The following FAT3 variants were observed in gnomAD, a reference collection of about 807,000 sequenced individuals.
FAT3 encodes the protein FAT atypical cadherin 3.
Under a neutral mutation model 310.2 loss-of-function variants are expected in FAT3, and 95 were observed. The ratio of observed to expected loss-of-function variants is 0.31; its 90% CI spans 0.26 to 0.36. The LOEUF is 0.36. FAT3 is among the 10% of genes least tolerant of loss of function. The pLI is 1.00. For synonymous variants in FAT3, 2,314 were observed against 2,192.9 expected (o/e 1.06, Z -1.54); for missense variants, 5,408 against 5,715.6 (o/e 0.95, Z 1.74).
In FAT3 at chr11:92,836,559, C is replaced by T. The variant is rs1472875580; in HGVS notation, c.10087-7C>T. ...TCTTTTCTTTGTTTTGCTTGTTTTC[C>T]ATGAAGCTAATAGCAGAAGATGTAG... is the stretch of plus-strand genomic sequence containing the variant. On this transcript the variant is annotated splice_region_variant and splice_polypyrimidine_tract_variant and intron_variant, in intron 15 of 27. Coordinates refer to ENST00000525166, the MANE Select transcript of FAT3 (RefSeq NM_001367949.2). 6 of 1,610,314 alleles carry T rather than the reference C, an allele frequency of 3.7e-6. No individual in the cohort carries two copies. The highest frequency in any genetic ancestry group is 1.7e-4 in the Middle Eastern group (1 of 6,038).
At chr11:92,380,073 G>A (rs936067772) in intron 2 of FAT3, among the ~76,000 whole-genome samples, 2 of 2,802 alleles carry the variant, frequency 7.1e-4, no homozygotes, top group African/African-American at 7.5e-4. Flanking sequence ...AAACTGATTC[G>A]TGTGTGTGTG....
chr11:92,415,555 T>C (rs751331920), intron 2 of FAT3, among the ~76,000 whole-genome samples: 1 of 152,176 alleles, frequency 6.6e-6, no homozygotes, highest in Non-Finnish European at 1.5e-5. Context: ...GTACTCTACC[T>C]CTATGCTTCA....
At chr11:92,449,014 G>C (rs1425421732) in intron 2 of FAT3, among the ~76,000 whole-genome samples, 2 of 152,090 alleles carry the variant, frequency 1.3e-5, no homozygotes, top group Non-Finnish European at 2.9e-5. Flanking sequence ...CTCTTGTGTT[G>C]CCGATTCAGC....
intron 2 of FAT3, among the ~76,000 whole-genome samples, chr11:92,421,959 A>G (rs1299402263): frequency 6.6e-6 from 1 of 152,190 alleles, no homozygotes; most frequent in Non-Finnish European, 1.5e-5. Flanking sequence ...ATCAGCCAAC[A>G]AGTGTGATGG....
chr11:92,486,130 GTTTTTTTTT>G (rs71064714), intron 2 of FAT3, among the ~76,000 whole-genome samples: 23 of 37,142 alleles, frequency 6.2e-4, no homozygotes, highest in South Asian at 2.4e-3. Flanking sequence ...GGCTGCTGGG[GTTTTTTTTT>G]TTTTTTTTTT....
At chr11:92,658,241 TAAAC>T (rs1942649376) in intron 3 of FAT3, among the ~76,000 whole-genome samples, 1 of 152,210 alleles carries the variant, frequency 6.6e-6, no homozygotes, top group Non-Finnish European at 1.5e-5. Context: ...TAAGCTCACT[TAAAC>T]AAGTTGTTCC....
In FAT3 at chr11:92,855,301, A is replaced by C. The variant is rs574575203; in HGVS notation, c.11366-1913A>C. ...TGTTACTTAAAGGATCTCACCCTTC[A>C]TGCCTGAGTTAAAATATTCCCTTCC... is the stretch of plus-strand genomic sequence containing the variant. On this transcript the variant is annotated intron_variant, in intron 19 of 27. Transcript: ENST00000525166. 2.1e-4 allele frequency among the ~76,000 whole-genome samples: 32 copies of C among 152,322 alleles called. No homozygotes were observed. In the South Asian group the frequency reaches 6.4e-3, roughly 31 times the overall value.
chr11:92,667,198 T>C (rs1406886744), intron 3 of FAT3, among the ~76,000 whole-genome samples: 2 of 152,226 alleles, frequency 1.3e-5, no homozygotes, highest in African/African-American at 4.8e-5. Context: ...TAGCTACACA[T>C]GTGCATTTAA....
intron 4 of FAT3, among the ~76,000 whole-genome samples, chr11:92,706,828 C>T (rs1462526997): frequency 6.6e-6 from 1 of 152,148 alleles, no homozygotes; most frequent in Non-Finnish European, 1.5e-5. Flanking sequence ...ATGGCTGAGT[C>T]TTAAGAGACT....
intron 7 of FAT3, among the ~76,000 whole-genome samples, chr11:92,788,178 A>G (rs1946944726): frequency 6.6e-6 from 1 of 152,174 alleles, no homozygotes; most frequent in Admixed American, 6.5e-5. Context: ...TCAGAAAGCA[A>G]GGAAGCTATC....
At chr11:92,349,374 C>A (rs1375167641) in intron 1 of FAT3, among the ~76,000 whole-genome samples, 2 of 152,080 alleles carry the variant, frequency 1.3e-5, no homozygotes, top group African/African-American at 4.8e-5. Flanking sequence ...AATAGAGACT[C>A]CTGAGGCATA....
intron 1 of FAT3, among the ~76,000 whole-genome samples, chr11:92,277,559 C>T (rs1376479268): frequency 6.6e-6 from 1 of 152,112 alleles, no homozygotes; most frequent in African/African-American, 2.4e-5. Context: ...TTTGCAGAAA[C>T]ATAGATGCAG....
chr11:92,599,708 G>A (rs770938014), intron 3 of FAT3, among the ~76,000 whole-genome samples: 3 of 152,116 alleles, frequency 2.0e-5, no homozygotes, highest in Non-Finnish European at 2.9e-5. Flanking sequence ...AGTTTCATCA[G>A]TAAAAATTAT....
chr11:92,639,688 G>A (rs976038927), intron 3 of FAT3, among the ~76,000 whole-genome samples: 7 of 152,098 alleles, frequency 4.6e-5, no homozygotes, highest in African/African-American at 1.7e-4. Context: ...TGTATTTGAG[G>A]GGCCTGCTGG....
intron 2 of FAT3, among the ~76,000 whole-genome samples, chr11:92,411,222 T>C (rs77943368): frequency 6.7e-6 from 1 of 148,952 alleles, no homozygotes; most frequent in African/African-American, 2.5e-5. Context: ...CAAGTTAGAC[T>C]GACCTTACTT....
At chr11:92,567,204 C>T (rs1955490969) in intron 3 of FAT3, among the ~76,000 whole-genome samples, 1 of 70,718 alleles carries the variant, frequency 1.4e-5, no homozygotes, top group African/African-American at 5.3e-5. Context: ...AAAAACAAAA[C>T]CCCATCAAAA....
intron 2 of FAT3, among the ~76,000 whole-genome samples, chr11:92,496,192 C>A (rs558670584): frequency 1.3e-5 from 2 of 152,016 alleles, no homozygotes; most frequent in Non-Finnish European, 2.9e-5. Context: ...GGTTTCGTAA[C>A]GTATGTAGCC....
chr11:92,235,574 A>G (rs141874390), intron 1 of FAT3, among the ~76,000 whole-genome samples: 2 of 96,418 alleles, frequency 2.1e-5, no homozygotes, highest in African/African-American at 4.4e-5. Context: ...GAATGACTCT[A>G]TTTGTTTATG....
intron 2 of FAT3, among the ~76,000 whole-genome samples, chr11:92,431,740 A>G (rs1950785953): frequency 6.6e-6 from 1 of 151,622 alleles, no homozygotes. Context: ...GGCTAGCACC[A>G]TTTATTAAAT....
Sources: gnomAD v4.1 joint callset for allele counts (sites outside exome capture counted in the v4.1 genomes callset) on GRCh38, gnomAD v4.1.1 for gene constraint, MANE v1.5 for transcripts, NCBI Gene and HGNC (gene_info 2026-07-23, HGNC 2026-07-21) for gene names.